PAPLN: variants seen among roughly 807,000 people sequenced by gnomAD.
The protein encoded by PAPLN is papilin.
In PAPLN, 146 loss-of-function variants were observed where a neutral mutation model predicts 159.0. The observed-to-expected ratio is 0.92, with a 90% CI of 0.80 to 1.05. The LOEUF (loss-of-function observed/expected upper bound fraction) is 1.05, where lower values mean the gene tolerates loss of function less well. Ranked by LOEUF, PAPLN falls within the 50% of genes least tolerant of loss-of-function variation. PAPLN has a pLI of 0.00. For missense variants in PAPLN, 1,720 were observed against 1,743.9 expected (o/e 0.99, Z 0.24); for synonymous variants, 734 against 702.9 (o/e 1.04, Z -0.70).
intron 5 of PAPLN, among the ~76,000 whole-genome samples, chr14:73,247,532 G>T (rs1299050910): frequency 6.6e-6 from 1 of 151,400 alleles, no homozygotes; most frequent in African/African-American, 2.4e-5. Context: ...GTGTGTGTGT[G>T]TGTTGTGGGG....
rs548725107 is a variant in PAPLN, at chr14:73,257,074, G to C, written c.1628-1905G>C. ...GCAGCCTCCACGTTCTGGGCTCAAG[G>C]GCTCCTCCCACATCAGCCTCCTGTG... On this transcript the variant is annotated intron_variant, in intron 14 of 26. Transcript: ENST00000644200. 8.5e-4 allele frequency among the ~76,000 whole-genome samples: 129 copies of C among 152,144 alleles called. 2 individuals are homozygous for C. The highest frequency in any genetic ancestry group is 3.0e-3 in the African/African-American group (125 of 41,514).
Position 73,252,126 on chromosome 14 carries a change from G to A in PAPLN, c.952G>A (p.Ala318Thr), listed in dbSNP as rs145176574. ...CCACGGCTCATGGAGTGACTGCAGC[G>A]CGGAGTGTGGCGGAGGTGCGGGCGT... The part of the protein sequence containing the change: ...WSHGSWSDCS[A>T]ECGGGHQSRL... The change falls in exon 10 of 27, where the codon GCG (alanine) becomes ACG (threonine). Residue 318 changes from alanine to threonine, a missense_variant. Coordinates refer to ENST00000644200, the MANE Select transcript of PAPLN (RefSeq NM_001365906.3). The A allele has an allele frequency of 1.7e-5, 27 of 1,604,246 alleles. No individual in the cohort carries two copies. The highest frequency in any genetic ancestry group is 1.3e-4 in the South Asian group (12 of 89,612).
Position 73,272,533 on chromosome 14 carries a change from G to T in PAPLN, c.3706G>T (p.Val1236Phe). 1 of 1,584,832 alleles carries T rather than the reference G, an allele frequency of 6.3e-7. No individual in the cohort carries two copies. The highest frequency in any genetic ancestry group is 8.6e-7 in the Non-Finnish European group (1 of 1,157,106). The change falls in exon 27 of 27, where the codon GTC becomes TTC. Residue 1236 changes from valine (V) to phenylalanine (F), a missense_variant. Physicochemically the swap from Val to Phe is conservative, Grantham distance 50. Coordinates refer to ENST00000644200, the MANE Select transcript of PAPLN (RefSeq NM_001365906.3). ...GCCCAGGGACCCTGGCAGGGACTGC[G>T]TCGACCAGCCAGAGCTGGCCAACTG... ...AQPRDPGRDCVDQPELANCDL... is the reference protein window; with the variant it reads ...AQPRDPGRDCFDQPELANCDL...
At position 73,259,463 on chromosome 14, in the gene PAPLN, C is replaced by T. The variant is rs1461006717; in HGVS notation, c.1903C>T (p.His635Tyr). 1.2e-6 allele frequency: 2 copies of T among 1,611,162 alleles called. No individual in the cohort carries two copies. Among genetic ancestry groups the T allele is most frequent in the Non-Finnish European group, 1.7e-6 (2 of 1,179,166 alleles). The change falls in exon 16 of 27, where the codon CAC becomes TAC. Residue 635 changes from histidine to tyrosine, a missense_variant. By Grantham distance (83) the His-to-Tyr change is moderately conservative (BLOSUM62 2). Coordinates refer to ENST00000644200, the MANE Select transcript of PAPLN (RefSeq NM_001365906.3). ...GCCCCACGACTGCAGACACAGTCCT[C>T]ACGGGTGCTGCCCCGATGGCCACAC... ...SGPHDCRHSPHGCCPDGHTAS... is the reference protein window; with the variant it reads ...SGPHDCRHSPYGCCPDGHTAS...
At position 73,245,516 on chromosome 14, in the gene PAPLN, C is replaced by T. The variant is rs967719194; in HGVS notation, c.171-120C>T. ...TTTACGGGGTGGGGTCGGGGGACAC[C>T]CTCTCACCTTGCTGCTCCCACTGGA... On this transcript the variant is annotated intron_variant, in intron 3 of 26. Coordinates refer to ENST00000644200, the MANE Select transcript of PAPLN (RefSeq NM_001365906.3). The surrounding 1 kb of genome is among the most constrained non-coding windows in gnomAD (Gnocchi z 4.2). 2.7e-6 allele frequency: 3 copies of T among 1,117,252 alleles called. No homozygotes were observed. Among genetic ancestry groups the T allele is most frequent in the Non-Finnish European group, 3.8e-6 (3 of 786,004 alleles). 69.2% of individuals were successfully genotyped at this position (1,117,252 alleles called of 1,614,324 possible). A position where few individuals can be genotyped will look rare whatever the true frequency, so the allele number is the denominator to read the frequency against.
intron 12 of PAPLN, 22 bp from the exon 13 acceptor site, chr14:73,254,491 G>C: frequency 6.2e-7 from 1 of 1,612,042 alleles, no homozygotes; most frequent in Non-Finnish European, 8.5e-7. Context: ...CCGAGCTTCT[G>C]CTGACAGCCT....
chr14:73,259,142 AGTT>A, intron 15 of PAPLN, 83 bp downstream of exon 15: 1 of 1,532,598 alleles, frequency 6.5e-7, no homozygotes, highest in Non-Finnish European at 8.8e-7. Flanking sequence ...TGGGGGTCAC[AGTT>A]GGGTGCAGCC....
chr14:73,253,281 G>A lies in PAPLN; in HGVS notation c.1095-473G>A, dbSNP rs546425492. ...GGCTGGTGCCACCCTGTCACCGCTTGGCCTTGGTGGCAGCGGGCCTCCTGG... is the reference window on the plus strand; with the variant it reads ...GGCTGGTGCCACCCTGTCACCGCTTAGCCTTGGTGGCAGCGGGCCTCCTGG... On this transcript the variant is annotated intron_variant, in intron 11 of 26. Transcript: ENST00000644200. 1.9e-5 allele frequency: 25 copies of A among 1,335,186 alleles called. No individual in the cohort carries two copies. In the African/African-American group the frequency reaches 2.4e-4, roughly 13 times the overall value. The allele number at this position is 1,335,186 out of a possible 1,614,324, so 82.7% of individuals were successfully genotyped here.
At chr14:73,271,835 G>A (rs1048684839) in intron 26 of PAPLN, among the ~76,000 whole-genome samples, 15 of 150,842 alleles carry the variant, frequency 9.9e-5, no homozygotes, top group African/African-American at 3.4e-4. Flanking sequence ...AGATACAGAC[G>A]TTCCTAGTAA....
chr14:73,253,659 C>T (rs1045818945), intron 11 of PAPLN, 95 bp from the exon 12 acceptor site: 1 of 1,243,780 alleles, frequency 8.0e-7, no homozygotes, highest in East Asian at 2.4e-5. Flanking sequence ...GGTGGGGGTC[C>T]TCAGGCCACC....
At chr14:73,238,223 G>T (rs1278426463) in intron 1 of PAPLN, among the ~76,000 whole-genome samples, 1 of 152,210 alleles carries the variant, frequency 6.6e-6, no homozygotes, top group Non-Finnish European at 1.5e-5. Flanking sequence ...CCGCCTTCCC[G>T]CCCTCTGGCG....
intron 21 of PAPLN, 80 bp downstream of exon 21, chr14:73,264,415 C>A: frequency 6.4e-7 from 1 of 1,559,966 alleles, no homozygotes; most frequent in Non-Finnish European, 8.7e-7. Flanking sequence ...TGACCGAGGG[C>A]TGCCTCACGC....
At chr14:73,271,481 A>G (rs1159365914) in intron 26 of PAPLN, among the ~76,000 whole-genome samples, 3 of 151,756 alleles carry the variant, frequency 2.0e-5, no homozygotes, top group Non-Finnish European at 4.4e-5. Context: ...CTTCCAGAAG[A>G]GAGATGAAGC....
intron 14 of PAPLN, among the ~76,000 whole-genome samples, chr14:73,257,833 G>A (rs1054365846): frequency 2.1e-5 from 3 of 142,416 alleles, no homozygotes; most frequent in African/African-American, 7.9e-5. Flanking sequence ...GCGCGATCTC[G>A]GCTCACTGCA....
At chr14:73,253,307 G>T in intron 11 of PAPLN, 8 of 1,244,654 alleles carry the variant, frequency 6.4e-6, no homozygotes, top group Non-Finnish European at 7.5e-6. Context: ...GGCCTCCTGG[G>T]ATGGTGGCGG....
intron 26 of PAPLN, among the ~76,000 whole-genome samples, chr14:73,271,306 A>C (rs775478683): frequency 9.9e-5 from 15 of 152,152 alleles, no homozygotes; most frequent in Non-Finnish European, 1.9e-4. Flanking sequence ...TGGTTATACC[A>C]ATATACCAAA....
chr14:73,266,095 A>C (rs1230460420), intron 23 of PAPLN, among the ~76,000 whole-genome samples: 1 of 152,126 alleles, frequency 6.6e-6, no homozygotes, highest in African/African-American at 2.4e-5. Context: ...TCCCAGCACT[A>C]TAGGAGGCCG....
chr14:73,246,145 C>G lies in PAPLN; in HGVS notation c.304C>G (p.Arg102Gly). 1 of 1,589,416 alleles carries G rather than the reference C, an allele frequency of 6.3e-7. No individual in the cohort carries two copies. Among genetic ancestry groups the G allele is most frequent in the African/African-American group, 1.4e-5 (1 of 72,222 alleles). The change falls in exon 5 of 27, where the codon CGG (arginine) becomes GGG (glycine). Residue 102 changes from arginine (R) to glycine (G), a missense_variant. Transcript: ENST00000644200. ...AEFDGAEFQG[R>G]RYRWLPYYSA... ...GTTCGACGGAGCGGAGTTCCAGGGGCGGCGGTATCGGTGGCTGCCCTACTA... is the reference window on the plus strand; with the variant it reads ...GTTCGACGGAGCGGAGTTCCAGGGGGGGCGGTATCGGTGGCTGCCCTACTA...
chr14:73,260,662 G>T (rs1299091974), intron 16 of PAPLN, 47 bp from the exon 17 acceptor site: 2 of 1,404,476 alleles, frequency 1.4e-6, no homozygotes, highest in Non-Finnish European at 1.9e-6. Flanking sequence ...GATGCAGGGA[G>T]CGTGGGGGCA....
Sources: gnomAD v4.1 joint callset for allele counts (sites outside exome capture counted in the v4.1 genomes callset) on GRCh38, gnomAD v4.1.1 for gene constraint, Gnocchi (gnomAD v3.1) non-coding constraint, MANE v1.5 for transcripts, NCBI Gene and HGNC (gene_info 2026-07-23, HGNC 2026-07-21) for gene names.